Variants in ANXA4 observed in about 807,000 individuals in gnomAD.
ANXA4 encodes annexin A4.
ANXA4 carries 39 observed loss-of-function variants against 49.8 expected under a neutral mutation model. That is an observed-to-expected ratio of 0.78 (90% CI 0.61 to 1.02). The LOEUF (loss-of-function observed/expected upper bound fraction) is 1.02. Ranked by LOEUF, ANXA4 falls within the 50% of genes least tolerant of loss-of-function variation. The pLI, the probability that ANXA4 is intolerant of heterozygous loss-of-function variation, is 0.00. For synonymous variants in ANXA4, 134 were observed against 152.5 expected (o/e 0.88, Z 0.89); for missense variants, 360 against 410.1 (o/e 0.88, Z 1.05).
In ANXA4 at chr2:69,781,581, T is replaced by C. The variant is rs555519421; in HGVS notation, c.9+7T>C. On this transcript the variant is annotated splice_region_variant and intron_variant, in intron 2 of 12. Transcript: ENST00000394295. Reference sequence around the variant, plus strand: ...ACCTAGAGTCATGGCCATGGTAAGTTGTGAAATACCTCAACCCTATCTGGT... The same window carrying C: ...ACCTAGAGTCATGGCCATGGTAAGTCGTGAAATACCTCAACCCTATCTGGT... 1.2e-6 allele frequency: 2 copies of C among 1,614,024 alleles called. No individual in the cohort carries two copies. The highest frequency in any genetic ancestry group is 2.7e-5 in the African/African-American group (2 of 75,032).
rs576366718 is a variant in ANXA4 at position 69,685,066 on chromosome 2, C to T, written n.766+31784C>T. Among the ~76,000 whole-genome samples, 256 of 152,168 alleles carry T rather than the reference C, an allele frequency of 1.7e-3. 8 individuals carry two copies. The highest frequency in any genetic ancestry group is 2.2e-4 in the Non-Finnish European group (15 of 68,014). ...AGAGAATAGGAGAGATTCCAGAAGA[C>T]TGGTAACAGTGGAGTATTCTGATTT... is the stretch of plus-strand genomic sequence containing the variant. On this transcript the variant is annotated intron_variant and non_coding_transcript_variant, in intron 2 of 3. Transcript: ENST00000418066.
intron 2 of ANXA4, among the ~76,000 whole-genome samples, chr2:69,695,625 G>A (rs1678135753): frequency 6.6e-6 from 1 of 152,206 alleles, no homozygotes; most frequent in African/African-American, 2.4e-5. Context: ...CTTGGGAGAA[G>A]CCTTTCCAAC....
At chr2:69,699,009 A>G (rs1678249074) in intron 2 of ANXA4, among the ~76,000 whole-genome samples, 1 of 152,204 alleles carries the variant, frequency 6.6e-6, no homozygotes, top group Non-Finnish European at 1.5e-5. Flanking sequence ...AGACTATACT[A>G]ATATCTTAAA....
chr2:69,726,975 T>G (rs1216758687), intron 3 of ANXA4, among the ~76,000 whole-genome samples: 1 of 152,144 alleles, frequency 6.6e-6, no homozygotes, highest in Non-Finnish European at 1.5e-5. Flanking sequence ...CTAGAACTTC[T>G]GGGCTCAAGT....
intron 3 of ANXA4, among the ~76,000 whole-genome samples, chr2:69,734,207 T>A (rs1670182308): frequency 6.6e-6 from 1 of 152,166 alleles, no homozygotes; most frequent in Admixed American, 6.5e-5. Flanking sequence ...TAGTCTCTCC[T>A]CCTCACTGGC....
chr2:69,823,672 T>C (rs148368944), intron 12 of ANXA4, among the ~76,000 whole-genome samples: 1 of 152,332 alleles, frequency 6.6e-6, no homozygotes, highest in African/African-American at 2.4e-5. Context: ...GATTAAACTG[T>C]TATGAAACTT....
chr2:69,732,138 C>T (rs1670120363), intron 3 of ANXA4, among the ~76,000 whole-genome samples: 1 of 151,692 alleles, frequency 6.6e-6, no homozygotes, highest in South Asian at 2.1e-4. Flanking sequence ...CCACCACGCC[C>T]GGCTAATTTT....
chr2:69,706,114 T>C (rs1678486390), intron 2 of ANXA4, among the ~76,000 whole-genome samples: 1 of 151,842 alleles, frequency 6.6e-6, no homozygotes, highest in Admixed American at 6.6e-5. Flanking sequence ...ATTTTTATAA[T>C]GGCAAAAATA....
chr2:69,644,169 C>G (rs934047395), upstream of ANXA4, among the ~76,000 whole-genome samples: 222 of 28,536 alleles, frequency 7.8e-3, 34 homozygotes, highest in African/African-American at 0.019. Flanking sequence ...CTAAGTTCCC[C>G]CCCCCCCCCC....
chr2:69,814,433 C>T (rs907635600), intron 8 of ANXA4, among the ~76,000 whole-genome samples: 47 of 144,682 alleles, frequency 3.2e-4, no homozygotes, highest in African/African-American at 1.2e-3. Context: ...GCAACCTTCA[C>T]CTCCCAGGCT....
intron 2 of ANXA4, 125 bp downstream of exon 2, chr2:69,781,699 A>G: frequency 8.9e-7 from 1 of 1,118,642 alleles, no homozygotes; most frequent in African/African-American, 1.5e-5. Flanking sequence ...GGAGGACATG[A>G]AAAGGCAGGT....
In ANXA4 at chr2:69,794,497, GTTATGTTATATTATGTTATGTTATA is replaced by G. The variant is rs1264739858; in HGVS notation, c.97+6366_97+6390del. Among the ~76,000 whole-genome samples the G allele has an allele frequency of 9.5e-3, 958 of 100,960 alleles. 9 individuals carry two copies. The highest frequency in any genetic ancestry group is 0.014 in the South Asian group (46 of 3,374). The allele number at this position is 100,960 out of a possible 152,430, so 66.2% of individuals were successfully genotyped here. A position where few individuals can be genotyped will look rare whatever the true frequency, so the allele number is the denominator to read the frequency against. ...CCATGGAAAGACTGAGGGCTGGTAT[GTTATGTTATATTATGTTATGTTATA>G]TTATGTTATGTTATGTTATGTTATG... On this transcript the variant is annotated intron_variant, in intron 3 of 12. Coordinates refer to ENST00000394295, the MANE Select transcript of ANXA4 (RefSeq NM_001153.5).
chr2:69,766,317 C>G (rs1671492338), intron 1 of ANXA4, among the ~76,000 whole-genome samples: 1 of 152,220 alleles, frequency 6.6e-6, no homozygotes, highest in Admixed American at 6.5e-5. Context: ...TAGCTAACAT[C>G]TGTTGAGTAC....
At chr2:69,650,489 T>C (rs75813576) in intron 1 of ANXA4, among the ~76,000 whole-genome samples, 4 of 152,116 alleles carry the variant, frequency 2.6e-5, no homozygotes, top group African/African-American at 4.8e-5. Flanking sequence ...CTTTTTTTTT[T>C]CTTTGAGACA....
intron 12 of ANXA4, 27 bp downstream of exon 12, chr2:69,820,848 G>C (rs1674219805): frequency 5.0e-6 from 8 of 1,609,994 alleles, no homozygotes; most frequent in South Asian, 2.2e-5. Context: ...TAAGTCCAGA[G>C]TAAAGGATCC....
chr2:69,775,966 T>TTTAC (rs976067928), intron 1 of ANXA4, among the ~76,000 whole-genome samples: 2 of 150,376 alleles, frequency 1.3e-5, no homozygotes, highest in African/African-American at 4.9e-5. Flanking sequence ...TTTTATTTTA[T>TTTAC]TTATTTATTT....
chr2:69,750,510 G>A (rs991579517), intron 1 of ANXA4, among the ~76,000 whole-genome samples: 6 of 152,166 alleles, frequency 3.9e-5, no homozygotes, highest in Non-Finnish European at 7.4e-5. Context: ...ACTCCTGGGC[G>A]CAGGTGACCC....
intron 1 of ANXA4, among the ~76,000 whole-genome samples, chr2:69,768,257 A>G (rs891571192): frequency 6.6e-6 from 1 of 152,232 alleles, no homozygotes; most frequent in Non-Finnish European, 1.5e-5. Flanking sequence ...AACTAGCTCA[A>G]TAACTACTTA....
At chr2:69,800,022 T>C (rs1382099748) in intron 3 of ANXA4, among the ~76,000 whole-genome samples, 5 of 152,126 alleles carry the variant, frequency 3.3e-5, no homozygotes, top group Admixed American at 2.0e-4. Flanking sequence ...AGGTAAAGTA[T>C]AGTGAGTGAG....
Sources: allele counts gnomAD v4.1 joint callset (sites outside exome capture counted in the v4.1 genomes callset), GRCh38; gene constraint gnomAD v4.1.1; transcripts MANE v1.5; gene names NCBI Gene and HGNC (gene_info 2026-07-23, HGNC 2026-07-21).